The following MTCH2 variants were observed in gnomAD, a reference collection of about 807,000 sequenced individuals.
MTCH2 encodes the protein mitochondrial carrier homolog 2.
Under a neutral mutation model 50.6 loss-of-function variants are expected in MTCH2, and 25 were observed. The ratio of observed to expected loss-of-function variants is 0.49; its 90% CI spans 0.36 to 0.69. The LOEUF is 0.69. Ranked by LOEUF, MTCH2 falls within the 30% of genes least tolerant of loss-of-function variation. The pLI, the probability that MTCH2 is intolerant of heterozygous loss-of-function variation, is 0.00. For missense variants in MTCH2, 273 were observed against 384.4 expected (o/e 0.71, Z 2.42); for synonymous variants, 106 against 132.0 (o/e 0.80, Z 1.35).
At chr11:47,633,142 C>A (rs1394345153) in intron 5 of MTCH2, among the ~76,000 whole-genome samples, 1 of 133,396 alleles carries the variant, frequency 7.5e-6, no homozygotes, top group Non-Finnish European at 1.6e-5. Context: ...GAGGGAGTCT[C>A]GCTGTCTCCC....
chr11:47,638,880 G>C, intron 2 of MTCH2, 75 bp from the exon 3 acceptor site: 1 of 1,574,476 alleles, frequency 6.4e-7, no homozygotes, highest in Non-Finnish European at 8.7e-7. Flanking sequence ...AAAGAAACAA[G>C]CTTTCTATAT....
In MTCH2 at chr11:47,642,469, GGCACCC is replaced by G. The variant is rs1304182984; in HGVS notation, c.-10_-5del. ...CCTGACTGGCCGCGTCCGCCATGATGGCACCCGCGGGCGGACGGACAGACAGACGGA... is the reference window on the plus strand; with the variant it reads ...CCTGACTGGCCGCGTCCGCCATGATGGCGGGCGGACGGACAGACAGACGGA... On this transcript the variant is annotated 5_prime_UTR_variant, in exon 1 of 13. Coordinates refer to ENST00000302503, the MANE Select transcript of MTCH2 (RefSeq NM_014342.4). The G allele has an allele frequency of 3.5e-6, 5 of 1,436,220 alleles. No individual in the cohort carries two copies. The highest frequency in any genetic ancestry group is 4.6e-6 in the Non-Finnish European group (5 of 1,097,814). 89.0% of individuals were successfully genotyped at this position (1,436,220 alleles called of 1,614,324 possible). A position where few individuals can be genotyped will look rare whatever the true frequency, so the allele number is the denominator to read the frequency against.
At chr11:47,632,762 G>A (rs778024473) in intron 5 of MTCH2, among the ~76,000 whole-genome samples, 14 of 151,072 alleles carry the variant, frequency 9.3e-5, no homozygotes, top group Admixed American at 4.0e-4. Flanking sequence ...GCAGTGGTGC[G>A]ATCTCAGCTT....
rs192581559 is a variant in MTCH2, at chr11:47,625,218, C to T, written c.749+456G>A. Among the ~76,000 whole-genome samples the T allele has an allele frequency of 1.5e-3, 225 of 151,854 alleles. 2 individuals carry two copies. In the East Asian group the frequency reaches 0.04, roughly 27 times the overall value. ...GGTGGATCACTTGAGGTCAGGAGTT[C>T]GAGACCAGCCTGGCCAACATGGTGA... On this transcript the variant is annotated intron_variant, in intron 11 of 12. Transcript: ENST00000302503.
At chr11:47,624,392 C>A (rs1416629820) in intron 11 of MTCH2, among the ~76,000 whole-genome samples, 1 of 152,168 alleles carries the variant, frequency 6.6e-6, no homozygotes, top group Non-Finnish European at 1.5e-5. Context: ...TATCCTAATT[C>A]TGGTTCTTTA....
intron 8 of MTCH2, chr11:47,629,360 T>C (rs2097300906): frequency 3.5e-6 from 1 of 283,858 alleles, no homozygotes; most frequent in South Asian, 4.6e-5. Flanking sequence ...CAGAAGAGAC[T>C]TAAATATTGT....
intron 11 of MTCH2, 131 bp downstream of exon 11, chr11:47,625,543 C>T (rs1288683592): frequency 2.9e-6 from 2 of 683,620 alleles, no homozygotes; most frequent in Non-Finnish European, 4.9e-6. Flanking sequence ...ACTTTTCCTC[C>T]CCCCCTTTTT....
intron 11 of MTCH2, among the ~76,000 whole-genome samples, chr11:47,623,545 C>A (rs570759098): frequency 6.6e-6 from 1 of 152,046 alleles, no homozygotes; most frequent in Non-Finnish European, 1.5e-5. Flanking sequence ...ACATTTAATT[C>A]ATCCTTCAAG....
intron 6 of MTCH2, 69 bp downstream of exon 6, chr11:47,631,585 T>A: frequency 1.3e-6 from 2 of 1,512,336 alleles, no homozygotes. Context: ...AACTCCCACG[T>A]CAACCTATCT....
At chr11:47,631,170 A>C (rs920216559) in intron 6 of MTCH2, 83 bp from the exon 7 acceptor site, 23 of 1,149,906 alleles carry the variant, frequency 2.0e-5, no homozygotes, top group Non-Finnish European at 2.7e-5. Context: ...GCACTTTGAG[A>C]GGCCGAGGTG....
chr11:47,629,721 A>G (rs1431558137), intron 8 of MTCH2, among the ~76,000 whole-genome samples: 3 of 151,980 alleles, frequency 2.0e-5, no homozygotes, highest in Admixed American at 2.0e-4. Flanking sequence ...TATGATATTC[A>G]AAATCCGTAT....
At chr11:47,609,080 C>T in the MTCH2 span, among the ~76,000 whole-genome samples, 265 of 133,056 alleles carry the variant, frequency 2.0e-3, no homozygotes, top group Non-Finnish European at 3.2e-3. Context: ...CCTGAGATCA[C>T]GCCATTGCAC....
chr11:47,642,399 A>C lies in MTCH2; in HGVS notation c.67T>G (p.Tyr23Asp), dbSNP rs200816454. 1 of 1,328,156 alleles carries C rather than the reference A, an allele frequency of 7.5e-7. No homozygotes were observed. 82.3% of individuals were successfully genotyped at this position (1,328,156 alleles called of 1,614,324 possible). A position where few individuals can be genotyped will look rare whatever the true frequency, so the allele number is the denominator to read the frequency against. Residue 23 changes from tyrosine to aspartate, a missense_variant, in exon 1 of 13, where the codon TAC becomes GAC. Transcript: ENST00000302503. The stretch of plus-strand genomic sequence containing the variant: ...CATACCTGGATGAGCACTTTCACGT[A>C]CATGAGCGGCTGGGACAGGATGGTG... ...GLTILSQPLM[Y>D]VKVLIQVGYE...
At chr11:47,640,705 C>T (rs888745202) in intron 1 of MTCH2, among the ~76,000 whole-genome samples, 6 of 152,186 alleles carry the variant, frequency 3.9e-5, no homozygotes, top group African/African-American at 1.4e-4. Context: ...GCGTGAGCCA[C>T]CGTGCCCGGC....
intron 5 of MTCH2, among the ~76,000 whole-genome samples, chr11:47,632,975 T>G (rs1370982881): frequency 6.7e-6 from 1 of 149,154 alleles, no homozygotes; most frequent in Non-Finnish European, 1.5e-5. Context: ...GCTGGGATTA[T>G]AGGTGTGAGC....
chr11:47,606,278 A>G, the MTCH2 span, among the ~76,000 whole-genome samples: 1 of 152,230 alleles, frequency 6.6e-6, no homozygotes, highest in Admixed American at 6.5e-5. Context: ...GAGGAAAATC[A>G]GAGTTGAGTA....
chr11:47,617,301 C>G (rs1004811008), downstream of MTCH2: 7 of 152,148 alleles, frequency 4.6e-5, no homozygotes, highest in Non-Finnish European at 8.8e-5. Context: ...ACAGAAGCCA[C>G]AGGATAAACA....
In MTCH2 at chr11:47,642,518, T is replaced by A. The variant is rs1438360773; in HGVS notation, c.-53A>T. On this transcript the variant is annotated 5_prime_UTR_variant, in exon 1 of 13. Coordinates refer to ENST00000302503, the MANE Select transcript of MTCH2 (RefSeq NM_014342.4). ...CAGACGGAGCCACCAAGCGACCCGG[T>A]GAGCCGGTCCTAGGTCACGTGCCAG... 5.3e-6 allele frequency: 8 copies of A among 1,518,294 alleles called. No homozygotes were observed. In the South Asian group the frequency reaches 8.6e-5, roughly 16 times the overall value. The allele number at this position is 1,518,294 out of a possible 1,614,324, so 94.1% of individuals were successfully genotyped here.
chr11:47,631,560 C>T, intron 6 of MTCH2, 94 bp downstream of exon 6: 2 of 1,221,410 alleles, frequency 1.6e-6, no homozygotes, highest in East Asian at 2.4e-5. Context: ...AACATGCAGG[C>T]AAGGCATTTT....
Sources: allele counts gnomAD v4.1 joint callset (sites outside exome capture counted in the v4.1 genomes callset), GRCh38; gene constraint gnomAD v4.1.1; transcripts MANE v1.5; gene names NCBI Gene and HGNC (gene_info 2026-07-23, HGNC 2026-07-21).